Variants in SOX18 observed in about 807,000 individuals in gnomAD.
SOX18 encodes transcription factor SOX-18.
Under a neutral mutation model 9.1 loss-of-function variants are expected in SOX18, and 2 were observed. The ratio of observed to expected loss-of-function variants is 0.22; its 90% CI spans 0.09 to 0.69. The LOEUF is 0.69. Ranked by LOEUF, SOX18 falls within the 30% of genes least tolerant of loss-of-function variation. SOX18 has a pLI of 0.80. For missense variants in SOX18, 542 were observed against 567.3 expected, an observed-to-expected ratio of 0.96 and a Z score of 0.45; for synonymous variants, 292 against 280.5, an observed-to-expected ratio of 1.04 and a Z score of -0.41.
At position 64,047,894 on chromosome 20, in the gene SOX18, C is replaced by G; in HGVS notation, c.*272G>C. The G allele has an allele frequency of 1.8e-6, 1 of 558,660 alleles. No individual in the cohort carries two copies. Among genetic ancestry groups the G allele is most frequent in the Non-Finnish European group, 3.2e-6 (1 of 313,554 alleles). 34.6% of individuals were successfully genotyped at this position (558,660 alleles called of 1,614,324 possible). ...AACCCTGGCAACTCTGCCAACAGGTCCTGGGCTCGGGCTTCCTGGAAAAGC... is the reference window on the plus strand; with the variant it reads ...AACCCTGGCAACTCTGCCAACAGGTGCTGGGCTCGGGCTTCCTGGAAAAGC... On this transcript the variant is annotated 3_prime_UTR_variant, in exon 2 of 2. Transcript: ENST00000340356.
rs1304874982 is a variant in SOX18, at chr20:64,048,548, G to A, written c.773C>T (p.Pro258Leu). The A allele has an allele frequency of 1.3e-5, 16 of 1,222,298 alleles. No homozygotes were observed. In the Middle Eastern group the frequency reaches 1.3e-3, roughly 98 times the overall value. The allele number at this position is 1,222,298 out of a possible 1,614,324, so 75.7% of individuals were successfully genotyped here. A position where few individuals can be genotyped will look rare whatever the true frequency, so the allele number is the denominator to read the frequency against. ...PYAPTELSRD[P>L]GGCYGAPLAE... ...CAGGGGAGCCCCGTAGCAACCGCCG[G>A]GGTCCCGCGACAACTCGGTGGGCGC... The change falls in exon 2 of 2, where the codon CCC (proline) becomes CTC (leucine). Residue 258 changes from proline to leucine, a missense_variant. Transcript: ENST00000340356.
chr20:64,048,812 G>C lies in SOX18; in HGVS notation c.509C>G (p.Pro170Arg), dbSNP rs776383283. 6 of 1,554,116 alleles carry C rather than the reference G, an allele frequency of 3.9e-6. No individual in the cohort carries two copies. In the East Asian group the frequency reaches 1.5e-4, roughly 38 times the overall value. Residue 170 changes from proline to arginine, a missense_variant, in exon 2 of 2, where the codon CCC (proline) becomes CGC (arginine). By Grantham distance (103) the Pro-to-Arg change is moderately radical (BLOSUM62 -2). Coordinates refer to ENST00000340356, the MANE Select transcript of SOX18 (RefSeq NM_018419.3). ...CGCTAATCCCGGGAGCAGGAGGCCG[G>C]GCTCCAGCCGCCGGGCCTTGCGCGC... Reference protein sequence around the residue: ...KQARKARRLEPGLLLPGLAPP... With the variant: ...KQARKARRLERGLLLPGLAPP...
rs1283939201 is a variant in SOX18, at chr20:64,049,424, G to C, written c.93C>G (p.Asp31Glu). 1.3e-5 allele frequency: 13 copies of C among 994,686 alleles called. No individual in the cohort carries two copies. Among genetic ancestry groups the C allele is most frequent in the Non-Finnish European group, 1.6e-5 (13 of 838,110 alleles). 61.6% of individuals were successfully genotyped at this position (994,686 alleles called of 1,614,324 possible). ...CGGGGCCGGCGGCGAGGCCGCGCGT[G>C]TCAGCGGCGGCCCCGTGTCCCGGGG... ...AWAPGHGAAA[D>E]TRGLAAGPAA... The change falls in exon 1 of 2, where the codon GAC becomes GAG. Residue 31 changes from aspartate (D) to glutamate (E), a missense_variant. Coordinates refer to ENST00000340356, the MANE Select transcript of SOX18 (RefSeq NM_018419.3).
rs1366894517 is a variant in SOX18, at chr20:64,048,497, G to C, written c.824C>G (p.Pro275Arg). 1.5e-5 allele frequency: 18 copies of C among 1,229,912 alleles called. No homozygotes were observed. In the South Asian group the frequency reaches 2.1e-4, roughly 15 times the overall value. The allele number at this position is 1,229,912 out of a possible 1,614,324, so 76.2% of individuals were successfully genotyped here. Residue 275 changes from proline (P) to arginine (R), a missense_variant, in exon 2 of 2, where the codon CCC (proline) becomes CGC (arginine). By Grantham distance (103) the Pro-to-Arg change is moderately radical (BLOSUM62 -2). Transcript: ENST00000340356. ...PLAEALRTAP[P>R]AAPLAGLYYG... is the part of the protein sequence containing the mutation. ...GTACAGGCCAGCGAGCGGCGCCGCG[G>C]GGGGCGCGGTCCTGAGCGCCTCCGC...
rs747262566 is a variant in SOX18 at position 64,048,170 on chromosome 20, C to A, written c.1151G>T (p.Gly384Val). The change falls in exon 2 of 2, where the codon GGC becomes GTC. Residue 384 changes from glycine to valine, a missense_variant. Coordinates refer to ENST00000340356, the MANE Select transcript of SOX18 (RefSeq NM_018419.3). ...SAVYYSACIS[G>V] is the part of the protein sequence containing the mutation. ...GACCCGGGCGGCGCCGGCGGCCTAG[C>A]CGGAGATGCACGCGCTGTAATAGAC... The A allele has an allele frequency of 1.0e-5, 16 of 1,548,024 alleles. No individual in the cohort carries two copies. Among genetic ancestry groups the A allele is most frequent in the Non-Finnish European group, 1.4e-5 (16 of 1,150,914 alleles).
chr20:64,049,089 C>CT (rs1486249959), intron 1 of SOX18, 70 bp downstream of exon 1: 1 of 712,536 alleles, frequency 1.4e-6, no homozygotes, highest in Non-Finnish European at 1.9e-6. Context: ...GACCCCTGCC[C>CT]CCCCCGCCCC....
In SOX18 at chr20:64,049,174, G is replaced by T; in HGVS notation, c.343C>A (p.Leu115Ile). The T allele has an allele frequency of 6.7e-7, 1 of 1,484,028 alleles. No homozygotes were observed. The allele number at this position is 1,484,028 out of a possible 1,614,324, so 91.9% of individuals were successfully genotyped here. A position where few individuals can be genotyped will look rare whatever the true frequency, so the allele number is the denominator to read the frequency against. ...QQNPDLHNAV[L>I]SKMLGKAWKE... ...CGCCGCTCACCCAGCATCTTGCTGA[G>T]CACCGCGTTGTGCAGGTCCGGGTTC... Residue 115 changes from leucine to isoleucine, a missense_variant, in exon 1 of 2, where the codon CTC becomes ATC. Physicochemically the swap from Leu to Ile is conservative, Grantham distance 5 (BLOSUM62 2). Transcript: ENST00000340356.
Position 64,048,400 on chromosome 20 carries a change from C to A in SOX18, c.921G>T (p.Glu307Asp). 1 of 1,518,994 alleles carries A rather than the reference C, an allele frequency of 6.6e-7. No individual in the cohort carries two copies. The allele number at this position is 1,518,994 out of a possible 1,614,324, so 94.1% of individuals were successfully genotyped here. A position where few individuals can be genotyped will look rare whatever the true frequency, so the allele number is the denominator to read the frequency against. ...LSPPPEAPPLESAEPLGPAAD... is the reference protein window; with the variant it reads ...LSPPPEAPPLDSAEPLGPAAD... ...CGGCGGGCCCCAGCGGCTCGGCGCTCTCCAGCGGCGGGGCCTCGGGCGGCG... is the reference window on the plus strand; with the variant it reads ...CGGCGGGCCCCAGCGGCTCGGCGCTATCCAGCGGCGGGGCCTCGGGCGGCG... Residue 307 changes from glutamate to aspartate, a missense_variant, in exon 2 of 2, where the codon GAG (glutamate) becomes GAT (aspartate). Glu to Asp is a conservative substitution (Grantham distance 45, BLOSUM62 2). Transcript: ENST00000340356.
Position 64,048,899 on chromosome 20 carries a change from A to T in SOX18, c.422T>A (p.Leu141Gln). The T allele has an allele frequency of 6.3e-7, 1 of 1,596,538 alleles. No individual in the cohort carries two copies. The highest frequency in any genetic ancestry group is 8.5e-7 in the Non-Finnish European group (1 of 1,176,032). ...GTGGTCGCGCAAGTGCTGCACGCGC[A>T]GCCGTTCGGCTTCCTCCACGAAGGG... Reference protein sequence around the residue: ...KRPFVEEAERLRVQHLRDHPN... With the variant: ...KRPFVEEAERQRVQHLRDHPN... The change falls in exon 2 of 2, where the codon CTG (leucine) becomes CAG (glutamine). Residue 141 changes from leucine to glutamine, a missense_variant. Transcript: ENST00000340356.
At chr20:64,049,110 GAGCCCCCCCCGCCCT>G in intron 1 of SOX18, 34 bp downstream of exon 1, 1 of 362,712 alleles carries the variant, frequency 2.8e-6, no homozygotes, top group South Asian at 5.3e-5. Flanking sequence ...ACCCCGGCCC[GAGCCCCCCCCGCCCT>G]CTCCCCCTTC....
intron 1 of SOX18, 44 bp downstream of exon 1, chr20:64,049,115 C>T (rs748973675): frequency 4.7e-6 from 5 of 1,067,804 alleles, no homozygotes; most frequent in South Asian, 2.2e-5. Flanking sequence ...GGCCCGAGCC[C>T]CCCCCGCCCT....
At position 64,048,510 on chromosome 20, in the gene SOX18, T is replaced by C; in HGVS notation, c.811A>G (p.Arg271Gly). ...AGCGGCGCCGCGGGGGGCGCGGTCC[T>C]GAGCGCCTCCGCCAGGGGAGCCCCG... ...CYGAPLAEAL[R>G]TAPPAAPLAG... Residue 271 changes from arginine (R) to glycine (G), a missense_variant, in exon 2 of 2, where the codon AGG becomes GGG. Transcript: ENST00000340356. The C allele has an allele frequency of 8.2e-7, 1 of 1,222,104 alleles. No homozygotes were observed. The highest frequency in any genetic ancestry group is 1.0e-6 in the Non-Finnish European group (1 of 984,120). 75.7% of individuals were successfully genotyped at this position (1,222,104 alleles called of 1,614,324 possible).
intron 1 of SOX18, 78 bp from the exon 2 acceptor site, chr20:64,049,040 C>T: frequency 1.4e-6 from 2 of 1,468,944 alleles, no homozygotes; most frequent in Admixed American, 2.3e-5. Flanking sequence ...CGGGACGCCC[C>T]GCGAGGGTTT....
In SOX18 at chr20:64,048,593, C is replaced by T; in HGVS notation, c.728G>A (p.Arg243Gln). Reference protein sequence around the residue: ...PPAAPEDCALRPFRAPYAPTE... With the variant: ...PPAAPEDCALQPFRAPYAPTE... Reference sequence around the variant, plus strand: ...GGGCGCGTAGGGCGCGCGGAAGGGCCGCAGCGCGCAGTCCTCGGGCGCCGC... The same window carrying T: ...GGGCGCGTAGGGCGCGCGGAAGGGCTGCAGCGCGCAGTCCTCGGGCGCCGC... The change falls in exon 2 of 2, where the codon CGG becomes CAG. Residue 243 changes from arginine (R) to glutamine (Q), a missense_variant. Arg to Gln is a conservative substitution (Grantham distance 43). Transcript: ENST00000340356. 1.6e-6 allele frequency: 2 copies of T among 1,235,426 alleles called. No individual in the cohort carries two copies. The highest frequency in any genetic ancestry group is 3.1e-5 in the African/African-American group (2 of 63,632). 76.5% of individuals were successfully genotyped at this position (1,235,426 alleles called of 1,614,324 possible). A position where few individuals can be genotyped will look rare whatever the true frequency, so the allele number is the denominator to read the frequency against.
Position 64,048,129 on chromosome 20 carries a change from G to A in SOX18, c.*37C>T, listed in dbSNP as rs549671468. 9.6e-5 allele frequency: 146 copies of A among 1,520,528 alleles called. No individual in the cohort carries two copies. The African/African-American group carries it at 1.7e-3, about 18-fold the overall frequency. The allele number at this position is 1,520,528 out of a possible 1,614,324, so 94.2% of individuals were successfully genotyped here. On this transcript the variant is annotated 3_prime_UTR_variant, in exon 2 of 2. Transcript: ENST00000340356. ...GTCGGATCGGTCGCGGGGGCTGCGGGAGGAAGCGCTGCAGGGACCCGGGCG... is the reference window on the plus strand; with the variant it reads ...GTCGGATCGGTCGCGGGGGCTGCGGAAGGAAGCGCTGCAGGGACCCGGGCG...
Position 64,048,504 on chromosome 20 carries a change from C to T in SOX18, c.817G>A (p.Ala273Thr). The part of the protein sequence containing the change: ...GAPLAEALRT[A>T]PPAAPLAGLY... ...CCAGCGAGCGGCGCCGCGGGGGGCG[C>T]GGTCCTGAGCGCCTCCGCCAGGGGA... Residue 273 changes from alanine to threonine, a missense_variant, in exon 2 of 2, where the codon GCG becomes ACG. Coordinates refer to ENST00000340356, the MANE Select transcript of SOX18 (RefSeq NM_018419.3). The T allele has an allele frequency of 8.2e-7, 1 of 1,219,578 alleles. No homozygotes were observed. The highest frequency in any genetic ancestry group is 1.0e-6 in the Non-Finnish European group (1 of 982,276). The allele number at this position is 1,219,578 out of a possible 1,614,324, so 75.5% of individuals were successfully genotyped here.
Position 64,048,865 on chromosome 20 carries a change from GTAGTTGGGGTGGT to G in SOX18, c.443_455del (p.Asp148AlafsTer26). On this transcript the variant is annotated frameshift_variant, in exon 2 of 2. Coordinates refer to ENST00000340356, the MANE Select transcript of SOX18 (RefSeq NM_018419.3). LOFTEE classifies it low-confidence loss of function (END_TRUNC). Reference sequence around the variant, plus strand: ...GCTTCTTGCGGCGCGGCCGGTACTTGTAGTTGGGGTGGTCGCGCAAGTGCTGCACGCGCAGCCG... The same window carrying G: ...GCTTCTTGCGGCGCGGCCGGTACTTGCGCGCAAGTGCTGCACGCGCAGCCG... The G allele has an allele frequency of 6.3e-7, 1 of 1,592,272 alleles. No homozygotes were observed. Among genetic ancestry groups the G allele is most frequent in the Non-Finnish European group, 8.5e-7 (1 of 1,174,618 alleles).
intron 1 of SOX18, 44 bp downstream of exon 1, chr20:64,049,086 GCCCCCCCCGCCCCACCCCGGCCCGAGCCC>G: frequency 1.2e-6 from 1 of 831,918 alleles, no homozygotes; most frequent in Non-Finnish European, 1.6e-6. Flanking sequence ...CGGGACCCCT[GCCCCCCCCGCCCCACCCCGGCCCGAGCCC>G]CCCCCGCCCT....
At position 64,049,383 on chromosome 20, in the gene SOX18, G is replaced by A. The variant is rs1601552210; in HGVS notation, c.134C>T (p.Pro45Leu). The change falls in exon 1 of 2, where the codon CCC becomes CTC. Residue 45 changes from proline (P) to leucine (L), a missense_variant. Physicochemically the swap from Pro to Leu is moderately conservative, Grantham distance 98. Transcript: ENST00000340356. ...LAAGPAALAA[P>L]AAPASPPSPQ... ...GCTGGGCGGCGAGGCGGGCGCGGCG[G>A]GCGCGGCGAGGGCGGCGGGGCCGGC... 6 of 989,930 alleles carry A rather than the reference G, an allele frequency of 6.1e-6. No homozygotes were observed. The highest frequency in any genetic ancestry group is 6.0e-6 in the Non-Finnish European group (5 of 834,554). The allele number at this position is 989,930 out of a possible 1,614,324, so 61.3% of individuals were successfully genotyped here. A position where few individuals can be genotyped will look rare whatever the true frequency, so the allele number is the denominator to read the frequency against.
Sources: gnomAD v4.1 joint callset for allele counts on GRCh38, gnomAD v4.1.1 for gene constraint, MANE v1.5 for transcripts, NCBI Gene and HGNC (gene_info 2026-07-23, HGNC 2026-07-21) for gene names.